ENOX1: variants seen among roughly 807,000 people sequenced by gnomAD.
ENOX1 encodes candidate growth-related and time keeping constitutive hydroquinone (NADH) oxidase.
Under a neutral mutation model 82.5 loss-of-function variants are expected in ENOX1, and 42 were observed. The ratio of observed to expected loss-of-function variants is 0.51; its 90% CI spans 0.40 to 0.66. ENOX1 has a LOEUF of 0.66. Among genes scored for constraint, ENOX1 ranks in the 30% least tolerant of loss-of-function variants. The probability of loss-of-function intolerance (pLI) is 0.00; values close to 1 mark genes in which losing one functional copy is unlikely to be tolerated. For synonymous variants in ENOX1, 271 were observed against 282.2 expected (o/e 0.96, Z 0.40); for missense variants, 608 against 811.6 (o/e 0.75, Z 3.05).
intron 2 of ENOX1, among the ~76,000 whole-genome samples, chr13:43,495,696 C>A (rs2076768741): frequency 6.6e-6 from 1 of 151,454 alleles, no homozygotes; most frequent in East Asian, 1.9e-4. Flanking sequence ...TATATCCTTT[C>A]ATTCTTAAGT....
At chr13:43,243,981 G>A (rs897249262) in intron 14 of ENOX1, among the ~76,000 whole-genome samples, 5 of 151,776 alleles carry the variant, frequency 3.3e-5, no homozygotes, top group South Asian at 2.1e-4. Context: ...CATTTCCTAC[G>A]CCACTTATAT....
intron 1 of ENOX1, among the ~76,000 whole-genome samples, chr13:43,734,787 G>T (rs1260435839): frequency 6.6e-6 from 1 of 152,164 alleles, no homozygotes; most frequent in Non-Finnish European, 1.5e-5. Context: ...GGAGTTTCTG[G>T]TTTGCTCGGT....
At chr13:43,778,501 CAG>C (rs1213324884) in intron 1 of ENOX1, among the ~76,000 whole-genome samples, 2 of 152,118 alleles carry the variant, frequency 1.3e-5, no homozygotes, top group Admixed American at 6.5e-5. Flanking sequence ...TACAAATGCA[CAG>C]AGTCATACTA....
At chr13:43,561,454 C>T (rs973043541) in intron 2 of ENOX1, among the ~76,000 whole-genome samples, 1 of 152,042 alleles carries the variant, frequency 6.6e-6, no homozygotes, top group Admixed American at 6.5e-5. Context: ...AGGAACAGTG[C>T]CATCAGAATA....
chr13:43,555,300 T>C (rs1401593439), intron 2 of ENOX1, among the ~76,000 whole-genome samples: 1 of 152,220 alleles, frequency 6.6e-6, no homozygotes, highest in Non-Finnish European at 1.5e-5. Flanking sequence ...ACCATCTGTG[T>C]TCTCAACCCT....
intron 2 of ENOX1, among the ~76,000 whole-genome samples, chr13:43,495,864 C>A (rs370106868): frequency 1.3e-5 from 2 of 151,918 alleles, no homozygotes; most frequent in Non-Finnish European, 2.9e-5. Flanking sequence ...TTATTTTTAT[C>A]TTTTTCTTGT....
chr13:43,279,466 T>C (rs2045249958), intron 12 of ENOX1, among the ~76,000 whole-genome samples: 1 of 152,214 alleles, frequency 6.6e-6, no homozygotes, highest in Non-Finnish European at 1.5e-5. Flanking sequence ...ATTTCTTGAC[T>C]ACAGAACACA....
chr13:43,741,166 C>G (rs2089893767), intron 1 of ENOX1, among the ~76,000 whole-genome samples: 1 of 151,184 alleles, frequency 6.6e-6, no homozygotes, highest in Non-Finnish European at 1.5e-5. Context: ...CTCACTGCAA[C>G]CTCCGCCTCC....
At chr13:43,370,061 A>T (rs2051120304) in intron 5 of ENOX1, among the ~76,000 whole-genome samples, 2 of 152,278 alleles carry the variant, frequency 1.3e-5, no homozygotes, top group African/African-American at 4.8e-5. Flanking sequence ...GAACTGTAGC[A>T]CGTGCTTACA....
intron 10 of ENOX1, among the ~76,000 whole-genome samples, chr13:43,324,701 CCTT>C (rs2048009329): frequency 6.6e-6 from 1 of 152,094 alleles, no homozygotes; most frequent in African/African-American, 2.4e-5. Context: ...CTCCATCTGT[CCTT>C]CTGGAGCATC....
chr13:43,240,091 G>GGT (rs2042743391), intron 14 of ENOX1, among the ~76,000 whole-genome samples: 1 of 152,148 alleles, frequency 6.6e-6, no homozygotes, highest in African/African-American at 2.4e-5. Flanking sequence ...CATCATGATT[G>GGT]GTTAAGGCGA....
intron 5 of ENOX1, among the ~76,000 whole-genome samples, chr13:43,369,304 A>C (rs539091429): frequency 1.2e-3 from 179 of 152,136 alleles, no homozygotes; most frequent in Non-Finnish European, 1.9e-3. Flanking sequence ...CTAAAAACCC[A>C]CCTTTTCTGA....
chr13:43,463,193 A>T (rs1341123597), intron 3 of ENOX1, among the ~76,000 whole-genome samples: 1 of 151,806 alleles, frequency 6.6e-6, no homozygotes, highest in Non-Finnish European at 1.5e-5. Context: ...TTATACACAC[A>T]CACACTCATG....
intron 5 of ENOX1, among the ~76,000 whole-genome samples, chr13:43,362,300 A>C (rs2050576305): frequency 6.6e-6 from 1 of 151,844 alleles, no homozygotes; most frequent in Non-Finnish European, 1.5e-5. Context: ...AATAAGTAAG[A>C]CCTTTCTAAC....
At chr13:43,702,100 A>AT (rs2086939505) in intron 1 of ENOX1, among the ~76,000 whole-genome samples, 1 of 152,136 alleles carries the variant, frequency 6.6e-6, no homozygotes, top group Non-Finnish European at 1.5e-5. Context: ...ACACTATGAA[A>AT]TTTTTTGAAA....
intron 3 of ENOX1, among the ~76,000 whole-genome samples, 188 bp from the exon 4 acceptor site, chr13:43,413,176 G>A (rs1226404354): frequency 6.6e-6 from 1 of 152,170 alleles, no homozygotes; most frequent in Non-Finnish European, 1.5e-5. Flanking sequence ...AGAGCCCTGT[G>A]AGATGTGTGG....
chr13:43,606,496 A>G (rs2081980854), intron 2 of ENOX1, among the ~76,000 whole-genome samples: 1 of 152,222 alleles, frequency 6.6e-6, no homozygotes, highest in Non-Finnish European at 1.5e-5. Context: ...ATCTGCAACA[A>G]AAATGGATGC....
intron 1 of ENOX1, among the ~76,000 whole-genome samples, chr13:43,680,536 T>C (rs9533587): frequency 0.088 from 13,391 of 152,188 alleles, 931 homozygotes; most frequent in African/African-American, 0.19. Context: ...GGTAATGACA[T>C]TGGAAAATGA....
At chr13:43,746,690 G>GA (rs917677690) in intron 1 of ENOX1, among the ~76,000 whole-genome samples, 13 of 146,736 alleles carry the variant, frequency 8.9e-5, no homozygotes, top group East Asian at 3.9e-4. Context: ...AAAGTAAGTA[G>GA]AAAAAAAAAA....
Sources: allele counts gnomAD v4.1 joint callset (sites outside exome capture counted in the v4.1 genomes callset), GRCh38; gene constraint gnomAD v4.1.1; transcripts MANE v1.5; gene names NCBI Gene and HGNC (gene_info 2026-07-23, HGNC 2026-07-21).